The following MBD5 variants were observed in gnomAD, a reference collection of about 807,000 sequenced individuals.
MBD5 encodes the protein methyl-CpG binding domain protein 5.
A neutral mutation model predicts 117.3 loss-of-function variants in MBD5; 13 were observed. The ratio of observed to expected loss-of-function variants is 0.11; its 90% CI spans 0.07 to 0.18. MBD5 has a LOEUF of 0.18. Ranked by LOEUF, MBD5 falls within the 10% of genes least tolerant of loss-of-function variation. The pLI is 1.00. For synonymous variants in MBD5, 727 were observed against 766.4 expected (o/e 0.95, Z 0.85); for missense variants, 1,879 against 2,093.8 (o/e 0.90, Z 2.00).
chr2:148,315,005 A>T (rs1411500097), intron 3 of MBD5, among the ~76,000 whole-genome samples: 1 of 152,182 alleles, frequency 6.6e-6, no homozygotes, highest in Non-Finnish European at 1.5e-5. Context: ...GCTACCCATT[A>T]TCTTTTTTTC....
At chr2:148,188,103 A>G (rs1574110746) in intron 2 of MBD5, among the ~76,000 whole-genome samples, 1 of 152,346 alleles carries the variant, frequency 6.6e-6, no homozygotes, top group Middle Eastern at 3.4e-3. Flanking sequence ...CGATGCTCAA[A>G]GGAAATGATC....
intron 2 of MBD5, among the ~76,000 whole-genome samples, chr2:148,218,564 G>T (rs1173500412): frequency 6.6e-6 from 1 of 152,140 alleles, no homozygotes; most frequent in Non-Finnish European, 1.5e-5. Context: ...AGTACTTTCT[G>T]TATTGTTAGG....
At chr2:148,351,988 G>T (rs1028278982) in intron 4 of MBD5, among the ~76,000 whole-genome samples, 7 of 151,970 alleles carry the variant, frequency 4.6e-5, no homozygotes, top group African/African-American at 1.7e-4. Context: ...GTTGTCGTTG[G>T]ATACTGGCAG....
chr2:148,150,338 CTATAGCCTTGTAG>C (rs1259139548), intron 1 of MBD5, among the ~76,000 whole-genome samples: 1 of 151,138 alleles, frequency 6.6e-6, no homozygotes, highest in Admixed American at 6.6e-5. Context: ...GTTTTGGTTA[CTATAGCCTTGTAG>C]TATAGTTTGA....
chr2:148,090,333 C>A (rs187414901), intron 1 of MBD5, among the ~76,000 whole-genome samples: 2 of 152,000 alleles, frequency 1.3e-5, no homozygotes, highest in Non-Finnish European at 2.9e-5. Flanking sequence ...TTCCCTAAAT[C>A]ATTCTATGAA....
chr2:148,400,629 C>G (rs999111447), intron 4 of MBD5, among the ~76,000 whole-genome samples: 5 of 152,154 alleles, frequency 3.3e-5, no homozygotes, highest in African/African-American at 9.7e-5. Context: ...TATGGAAAAG[C>G]TTTCAGTAAA....
chr2:148,342,810 C>A (rs969030113), intron 4 of MBD5, among the ~76,000 whole-genome samples: 6 of 151,812 alleles, frequency 4.0e-5, no homozygotes, highest in African/African-American at 1.5e-4. Flanking sequence ...GGTACATGTG[C>A]AGATTTGTTA....
At chr2:148,022,079 A>G (rs529739676) in intron 1 of MBD5, among the ~76,000 whole-genome samples, 1 of 152,286 alleles carries the variant, frequency 6.6e-6, no homozygotes, top group Admixed American at 6.5e-5. Flanking sequence ...CTCCAGGAAA[A>G]GCTCCACTGC....
At chr2:148,377,672 G>C (rs771052578) in intron 4 of MBD5, among the ~76,000 whole-genome samples, 32 of 152,116 alleles carry the variant, frequency 2.1e-4, no homozygotes, top group Non-Finnish European at 4.3e-4. Context: ...AATCTAAAGA[G>C]GAGGCTGAAA....
At chr2:148,060,408 A>G (rs538263207) in intron 1 of MBD5, among the ~76,000 whole-genome samples, 8 of 152,136 alleles carry the variant, frequency 5.3e-5, no homozygotes, top group African/African-American at 1.9e-4. Flanking sequence ...TTTATCATAC[A>G]TTCTTGTGAC....
chr2:148,241,767 T>C (rs1700221291), intron 3 of MBD5, among the ~76,000 whole-genome samples: 1 of 152,150 alleles, frequency 6.6e-6, no homozygotes, highest in South Asian at 2.1e-4. Context: ...TGCCCAGTGA[T>C]GTTATCTTCT....
At chr2:148,250,720 G>A (rs1188083581) in intron 3 of MBD5, among the ~76,000 whole-genome samples, 1 of 152,150 alleles carries the variant, frequency 6.6e-6, no homozygotes, top group Non-Finnish European at 1.5e-5. Context: ...CATTCAGAGA[G>A]CTAGCTTGTT....
At chr2:148,054,167 A>C (rs1694794368) in intron 1 of MBD5, 2 of 152,252 alleles carry the variant, frequency 1.3e-5, no homozygotes, top group Non-Finnish European at 2.9e-5. Context: ...ATGGCCTCCC[A>C]AAGTGCTGGG....
At chr2:148,345,709 T>A (rs1375938660) in intron 4 of MBD5, among the ~76,000 whole-genome samples, 1 of 148,854 alleles carries the variant, frequency 6.7e-6, no homozygotes, top group Non-Finnish European at 1.5e-5. Flanking sequence ...ATTATATATA[T>A]TATATATATA....
chr2:148,173,614 G>T (rs988117230), intron 1 of MBD5, among the ~76,000 whole-genome samples: 5 of 152,138 alleles, frequency 3.3e-5, no homozygotes, highest in African/African-American at 1.2e-4. Flanking sequence ...ACACCCCAAG[G>T]ATCCCATAAT....
chr2:148,216,914 A>T (rs759163484), intron 2 of MBD5, among the ~76,000 whole-genome samples: 15 of 152,212 alleles, frequency 9.9e-5, no homozygotes, highest in Non-Finnish European at 2.1e-4. Flanking sequence ...ATGGTTCCCC[A>T]TCCAAAATAT....
chr2:148,196,936 T>C (rs939169748), intron 2 of MBD5, among the ~76,000 whole-genome samples: 1 of 152,078 alleles, frequency 6.6e-6, no homozygotes, highest in Non-Finnish European at 1.5e-5. Context: ...TGTGCCAAAA[T>C]TGGAAAATTA....
At chr2:148,069,957 C>T (rs1187739948) in intron 1 of MBD5, among the ~76,000 whole-genome samples, 1 of 152,180 alleles carries the variant, frequency 6.6e-6, no homozygotes, top group African/African-American at 2.4e-5. Context: ...ATTTCAAGTC[C>T]TCTCTTCAAG....
intron 1 of MBD5, among the ~76,000 whole-genome samples, chr2:148,147,183 T>G (rs1050646823): frequency 1.3e-5 from 2 of 151,906 alleles, no homozygotes; most frequent in African/African-American, 4.8e-5. Context: ...ACTTTCCTTT[T>G]TGCATATATC....
Sources: gnomAD v4.1 joint callset for allele counts (sites outside exome capture counted in the v4.1 genomes callset) on GRCh38, gnomAD v4.1.1 for gene constraint, MANE v1.5 for transcripts, NCBI Gene and HGNC (gene_info 2026-07-23, HGNC 2026-07-21) for gene names.